AVEN: variants seen among roughly 807,000 people sequenced by gnomAD.
AVEN encodes cell death regulator Aven.
AVEN carries 41 observed loss-of-function variants against 38.1 expected under a neutral mutation model. That is an observed-to-expected ratio of 1.08 (90% CI 0.84 to 1.40). AVEN has a LOEUF of 1.40. AVEN is among the 40% of genes most tolerant of loss of function. AVEN has a pLI of 0.00. For missense variants in AVEN, 605 were observed against 438.8 expected (o/e 1.38, Z -3.38); for synonymous variants, 206 against 171.8 (o/e 1.20, Z -1.56).
At chr15:34,037,775 GC>G in intron 1 of AVEN, among the ~76,000 whole-genome samples, 1 of 151,784 alleles carries the variant, frequency 6.6e-6, no homozygotes, top group South Asian at 2.1e-4. Context: ...TTTTTTTCCA[GC>G]TCTGTATTGC....
At chr15:33,864,276 T>C, downstream of AVEN, 1 of 1,017,960 alleles carries the variant, frequency 9.8e-7, no homozygotes, top group Non-Finnish European at 1.5e-6. Context: ...CTGAAATACA[T>C]ACATGGCCCC....
intron 2 of AVEN, among the ~76,000 whole-genome samples, chr15:33,932,076 G>A (rs922281516): frequency 6.6e-6 from 1 of 152,170 alleles, no homozygotes; most frequent in Non-Finnish European, 1.5e-5. Flanking sequence ...AGAAAATTTA[G>A]AGCATCTTAT....
intron 1 of AVEN, chr15:34,018,399 C>T (rs7162140): frequency 0.15 from 22,572 of 151,980 alleles, 2,088 homozygotes; most frequent in Middle Eastern, 0.28. Context: ...TCAGATGTGT[C>T]GAGTTTCTTC....
chr15:33,926,157 A>G (rs1353022049), intron 2 of AVEN, among the ~76,000 whole-genome samples: 1 of 152,218 alleles, frequency 6.6e-6, no homozygotes, highest in Non-Finnish European at 1.5e-5. Context: ...CAGAGTCTGG[A>G]AAACACAGTG....
At chr15:33,867,279 G>A (rs1297015769) in intron 5 of AVEN, among the ~76,000 whole-genome samples, 1 of 152,222 alleles carries the variant, frequency 6.6e-6, no homozygotes, top group Non-Finnish European at 1.5e-5. Context: ...CAGGCAGGTA[G>A]CAGCTTTGGA....
At chr15:33,952,337 C>A (rs1894783475) in intron 2 of AVEN, among the ~76,000 whole-genome samples, 1 of 152,118 alleles carries the variant, frequency 6.6e-6, no homozygotes, top group Non-Finnish European at 1.5e-5. Context: ...AACCTATTCC[C>A]CAAACTATTA....
chr15:33,879,375 G>A (rs1891386279), intron 2 of AVEN, among the ~76,000 whole-genome samples: 1 of 137,962 alleles, frequency 7.2e-6, no homozygotes, highest in Non-Finnish European at 1.5e-5. Flanking sequence ...ACACAGGAAG[G>A]GGAACATCAC....
rs34223352 is a variant in AVEN, at chr15:33,873,094, CTTTTT to C, written c.517-2069_517-2065del. On this transcript the variant is annotated intron_variant, in intron 3 of 5. Coordinates refer to ENST00000306730, the MANE Select transcript of AVEN (RefSeq NM_020371.3). ...AAAACATATTTCTACTTTTCCTTTT[CTTTTT>C]TTTTTTTTTTTTTTTTTTTTGAGAT... 1.2e-4 allele frequency among the ~76,000 whole-genome samples: 10 copies of C among 85,136 alleles called. No homozygotes were observed. The South Asian group carries it at 1.7e-3, about 15-fold the overall frequency. The allele number at this position is 85,136 out of a possible 152,430, so 55.9% of individuals were successfully genotyped here. A position where few individuals can be genotyped will look rare whatever the true frequency, so the allele number is the denominator to read the frequency against.
At chr15:34,020,764 C>T (rs781623607) in intron 1 of AVEN, among the ~76,000 whole-genome samples, 19 of 152,172 alleles carry the variant, frequency 1.2e-4, no homozygotes, top group South Asian at 1.0e-3. Flanking sequence ...GGCCAAATTT[C>T]GTAAGACACA....
the AVEN span, chr15:33,853,498 A>G: frequency 6.3e-7 from 1 of 1,589,980 alleles, no homozygotes; most frequent in South Asian, 1.1e-5. Context: ...CCCCAGAGCT[A>G]GAAAATATTT....
chr15:33,865,184 C>T (rs574080321), downstream of AVEN: 77 of 1,613,972 alleles, frequency 4.8e-5, no homozygotes, highest in East Asian at 8.9e-4. Context: ...TCTTCCCAGC[C>T]GGTGACTGCT....
chr15:33,896,477 C>A (rs1422418389), intron 2 of AVEN, among the ~76,000 whole-genome samples: 1 of 152,162 alleles, frequency 6.6e-6, no homozygotes, highest in Admixed American at 6.5e-5. Flanking sequence ...TGTTAATTAT[C>A]TCTCCTGGTT....
intron 2 of AVEN, among the ~76,000 whole-genome samples, chr15:34,068,273 C>A (rs182405742): frequency 6.6e-6 from 1 of 151,358 alleles, no homozygotes; most frequent in African/African-American, 2.4e-5. Flanking sequence ...ACTCTGTCAT[C>A]CAGGCTGGAG....
At chr15:33,867,337 G>T (rs193037128) in intron 5 of AVEN, among the ~76,000 whole-genome samples, 158 bp downstream of exon 5, 1,610 of 144,762 alleles carry the variant, frequency 0.011, 22 homozygotes, top group African/African-American at 0.045. Flanking sequence ...GGTCAGCTCA[G>T]GGGGAAGCAG....
downstream of AVEN, among the ~76,000 whole-genome samples, chr15:33,855,456 G>A (rs759070596): frequency 7.2e-5 from 11 of 152,158 alleles, no homozygotes; most frequent in Non-Finnish European, 1.3e-4. Flanking sequence ...CACCCGCCTC[G>A]GCCTCCCGAA....
chr15:34,062,666 T>G, intron 5 of AVEN: 1 of 1,531,564 alleles, frequency 6.5e-7, no homozygotes, highest in Admixed American at 2.0e-5. Flanking sequence ...AGAGCTGAAA[T>G]AGAAAACAGC....
At chr15:34,064,399 T>A (rs1900456915) in intron 4 of AVEN, 1 of 1,441,440 alleles carries the variant, frequency 6.9e-7, no homozygotes, top group African/African-American at 1.4e-5. Flanking sequence ...GTTTGTATAT[T>A]TTCAAAAAGA....
chr15:33,863,462 C>CAACT (rs1162767591), downstream of AVEN, among the ~76,000 whole-genome samples: 1 of 152,116 alleles, frequency 6.6e-6, no homozygotes, highest in Non-Finnish European at 1.5e-5. Context: ...CTCATATCAC[C>CAACT]AACTTCACAA....
rs190432560 is a variant in AVEN, at chr15:34,016,075, G to A, written c.268-12866C>T. On this transcript the variant is annotated intron_variant, in intron 1 of 5. Coordinates refer to ENST00000306730, the MANE Select transcript of AVEN (RefSeq NM_020371.3). ...GCGGATCGCCTGAGGTCAGGAGTTC[G>A]AGACCAGCCTGACCAACATGGAGAA... Among the ~76,000 whole-genome samples, 696 of 152,200 alleles carry A rather than the reference G, an allele frequency of 4.6e-3. 9 individuals carry two copies. Among genetic ancestry groups the A allele is most frequent in the African/African-American group, 0.016 (654 of 41,518 alleles).
Sources: allele counts gnomAD v4.1 joint callset (sites outside exome capture counted in the v4.1 genomes callset), GRCh38; gene constraint gnomAD v4.1.1; transcripts MANE v1.5; gene names NCBI Gene and HGNC (gene_info 2026-07-23, HGNC 2026-07-21).